Variants in KIF1B observed in about 807,000 individuals in gnomAD.
KIF1B encodes kinesin family member 1B.
KIF1B carries 76 observed loss-of-function variants against 241.9 expected under a neutral mutation model. The ratio of observed to expected loss-of-function variants is 0.31; its 90% CI spans 0.26 to 0.38. KIF1B has a LOEUF of 0.38. Ranked by LOEUF, KIF1B falls within the 10% of genes least tolerant of loss-of-function variation. The pLI, the probability that KIF1B is intolerant of heterozygous loss-of-function variation, is 1.00. For missense variants in KIF1B, 1,622 were observed against 2,271.4 expected (o/e 0.71, Z 5.81); for synonymous variants, 750 against 796.7 (o/e 0.94, Z 0.99).
chr1:10,379,928 C>T lies in KIF1B; in HGVS notation c.*3341C>T, dbSNP rs139210251. The T allele has an allele frequency of 6.9e-3, 1,576 of 229,334 alleles. 11 individuals carry two copies. Among genetic ancestry groups the T allele is most frequent in the South Asian group, 0.034 (186 of 5,498 alleles). The allele number at this position is 229,334 out of a possible 1,614,324, so 14.2% of individuals were successfully genotyped here. A position where few individuals can be genotyped will look rare whatever the true frequency, so the allele number is the denominator to read the frequency against. The stretch of plus-strand genomic sequence containing the variant: ...GTGGCCGGGCACCTGAGCCCCAGCT[C>T]GTTGTTAAACGTGCTGACGGCAAGG... On this transcript the variant is annotated 3_prime_UTR_variant, in exon 49 of 49. Transcript: ENST00000676179.
In KIF1B at chr1:10,326,367, A is replaced by C; in HGVS notation, c.2924+8A>C. On this transcript the variant is annotated splice_region_variant and intron_variant, in intron 27 of 48. Transcript: ENST00000676179. The surrounding 1 kb of genome is among the most constrained non-coding windows in gnomAD (Gnocchi z 5.2). ...GTTCATTTTAGTGGGAAGGTTGGTG[A>C]GGTTATTGTGAGAAAGGCGAAAAGG... is the stretch of plus-strand genomic sequence containing the variant. 1 of 1,614,040 alleles carries C rather than the reference A, an allele frequency of 6.2e-7. No homozygotes were observed. Among genetic ancestry groups the C allele is most frequent in the Non-Finnish European group, 8.5e-7 (1 of 1,180,022 alleles).
At chr1:10,273,934 CTTTTTTTT>C (rs35845856) in intron 10 of KIF1B, among the ~76,000 whole-genome samples, 2,656 of 116,792 alleles carry the variant, frequency 0.023, 44 homozygotes, top group Non-Finnish European at 0.033. Context: ...TTAGTAGCTT[CTTTTTTTT>C]TTTTTTTTTT....
chr1:10,222,229 T>C (rs1184513266), intron 1 of KIF1B, among the ~76,000 whole-genome samples: 2 of 152,222 alleles, frequency 1.3e-5, no homozygotes, highest in Admixed American at 1.3e-4. Flanking sequence ...ATGGTCTCAT[T>C]TGACCTTGTC....
At position 10,361,806 on chromosome 1, in the gene KIF1B, T is replaced by C; in HGVS notation, c.4285T>C (p.Tyr1429His). The C allele has an allele frequency of 6.2e-7, 1 of 1,614,138 alleles. No homozygotes were observed. Among genetic ancestry groups the C allele is most frequent in the Non-Finnish European group, 8.5e-7 (1 of 1,180,036 alleles). The change falls in exon 40 of 49, where the codon TAC becomes CAC. Residue 1429 changes from tyrosine to histidine, a missense_variant. Transcript: ENST00000676179. ...TCTGCGTAGCCTCTTTGGCAGCGGC[T>C]ACTCAAAGTCACCAGATTCGTAAGT... is the stretch of plus-strand genomic sequence containing the variant. ...RSLRSLFGSGYSKSPDSNRVT... is the reference protein window; with the variant it reads ...RSLRSLFGSGHSKSPDSNRVT...
Position 10,258,643 on chromosome 1 carries a change from G to C in KIF1B, c.334G>C (p.Glu112Gln). The change falls in exon 4 of 49, where the codon GAA becomes CAA. Residue 112 changes from glutamate to glutamine, a missense_variant. By Grantham distance (29) the Glu-to-Gln change is conservative. This residue lies in a region of KIF1B where 156 missense variants were observed against 244.8 expected (regional missense o/e 0.64). Transcript: ENST00000676179. ...GKSYTMMGKQ[E>Q]ESQAGIIPQL... Reference sequence around the variant, plus strand: ...ATCTTATACAATGATGGGTAAACAAGAAGAAAGCCAGGCTGGCATCATTCC... The same window carrying C: ...ATCTTATACAATGATGGGTAAACAACAAGAAAGCCAGGCTGGCATCATTCC... The C allele has an allele frequency of 1.9e-6, 3 of 1,614,064 alleles. No homozygotes were observed.
intron 13 of KIF1B, chr1:10,278,486 G>T: frequency 4.0e-6 from 1 of 251,310 alleles, no homozygotes; most frequent in East Asian, 1.1e-4. Flanking sequence ...AATGTTATTT[G>T]AAATTTTGAG....
intron 32 of KIF1B, 93 bp from the exon 33 acceptor site, chr1:10,341,951 CAAAAAA>C (rs33942183): frequency 4.3e-6 from 3 of 693,118 alleles, no homozygotes; most frequent in Non-Finnish European, 5.0e-6. Context: ...GACCTTGCCT[CAAAAAA>C]AAAAAAAAAA....
At chr1:10,372,648 AGCTTGGGTG>A (rs1227626204) in intron 45 of KIF1B, among the ~76,000 whole-genome samples, 2 of 120,124 alleles carry the variant, frequency 1.7e-5, no homozygotes, top group Non-Finnish European at 3.4e-5. Context: ...GCTGCGCGCC[AGCTTGGGTG>A]ACAGAGCTGT....
chr1:10,263,910 T>C (rs761278279), intron 5 of KIF1B, among the ~76,000 whole-genome samples: 3 of 152,156 alleles, frequency 2.0e-5, no homozygotes, highest in Non-Finnish European at 4.4e-5. Flanking sequence ...CATATTGCCT[T>C]TTTTCCTGTT....
intron 2 of KIF1B, among the ~76,000 whole-genome samples, chr1:10,251,088 C>T (rs949708850): frequency 2.0e-5 from 3 of 152,058 alleles, no homozygotes; most frequent in Admixed American, 6.6e-5. Flanking sequence ...ATCGCTTGAA[C>T]CTAGGAGACA....
chr1:10,352,676 C>T lies in KIF1B; in HGVS notation c.3995C>T (p.Ala1332Val), dbSNP rs867551510. 1.2e-6 allele frequency: 2 copies of T among 1,613,932 alleles called. No individual in the cohort carries two copies. The highest frequency in any genetic ancestry group is 1.7e-6 in the Non-Finnish European group (2 of 1,179,910). The change falls in exon 38 of 49, where the codon GCC (alanine) becomes GTC (valine). Residue 1332 changes from alanine (A) to valine (V), a missense_variant. By Grantham distance (64) the Ala-to-Val change is moderately conservative. Coordinates refer to ENST00000676179, the MANE Select transcript of KIF1B (RefSeq NM_001365951.3). ...KPEVDEAAVDAILSLNIISAK... is the reference protein window; with the variant it reads ...KPEVDEAAVDVILSLNIISAK... ...GAGGTGGATGAAGCTGCAGTTGATG[C>T]CATCCTCTCCCTAAATATTATTTCT...
chr1:10,229,860 T>C, intron 1 of KIF1B, among the ~76,000 whole-genome samples: 3 of 89,836 alleles, frequency 3.3e-5, no homozygotes, highest in Admixed American at 1.6e-4. Context: ...GGAGTGAGAC[T>C]CCGTCTCAAA....
chr1:10,313,458 G>A (rs886890770), intron 22 of KIF1B, among the ~76,000 whole-genome samples: 3 of 151,368 alleles, frequency 2.0e-5, no homozygotes, highest in East Asian at 1.9e-4. Flanking sequence ...CTTAAAAACC[G>A]GGGTAGATAG....
At chr1:10,269,385 T>C (rs564567362) in intron 7 of KIF1B, among the ~76,000 whole-genome samples, 71 of 151,458 alleles carry the variant, frequency 4.7e-4, no homozygotes, top group Non-Finnish European at 3.4e-4. Flanking sequence ...CGTGGTGGCA[T>C]GCGCCTGTGG....
At chr1:10,244,185 A>G (rs182202329) in intron 2 of KIF1B, among the ~76,000 whole-genome samples, 2 of 152,266 alleles carry the variant, frequency 1.3e-5, no homozygotes, top group African/African-American at 4.8e-5. Context: ...CTTTATGGCA[A>G]TAGGTTTTAC....
chr1:10,279,888 G>A (rs1280616856), intron 14 of KIF1B, among the ~76,000 whole-genome samples: 3 of 151,818 alleles, frequency 2.0e-5, no homozygotes, highest in African/African-American at 7.3e-5. Context: ...ATTTGTAGAG[G>A]TGAGGGGTCT....
Position 10,337,160 on chromosome 1 carries a change from G to A in KIF1B, c.3216G>A (p.Glu1072=). The A allele has an allele frequency of 1.9e-6, 3 of 1,614,136 alleles. No homozygotes were observed. The highest frequency in any genetic ancestry group is 2.5e-6 in the Non-Finnish European group (3 of 1,180,024). The part of the protein sequence containing the change: ...RIVEGQGQSS[E]VITPPEEISR... ...TGGAAGGACAGGGTCAGAGTTCTGAGGTCATCACTCCTCCAGAAGAAATCA... is the reference window on the plus strand; with the variant it reads ...TGGAAGGACAGGGTCAGAGTTCTGAAGTCATCACTCCTCCAGAAGAAATCA... Residue 1072 remains glutamate (E), a synonymous_variant, in exon 30 of 49, where the codon GAG becomes GAA. Transcript: ENST00000676179. This position sits in a 1 kb window ranked among gnomAD's most constrained non-coding sequence, Gnocchi z 4.0.
Position 10,324,036 on chromosome 1 carries a change from A to G in KIF1B, c.2511A>G (p.Thr837=). ...TCCAGGATTTGAAGAATGGAGCAAC[A>G]CACTATTGGTCTTTGGAGAAACTCA... The part of the protein sequence containing the change: ...VEVQDLKNGA[T]HYWSLEKLKQ... The change falls in exon 25 of 49, where the codon ACA becomes ACG. Residue 837 remains threonine (T), a synonymous_variant. Transcript: ENST00000676179. 1 of 1,614,162 alleles carries G rather than the reference A, an allele frequency of 6.2e-7. No individual in the cohort carries two copies. Among genetic ancestry groups the G allele is most frequent in the South Asian group, 1.1e-5 (1 of 91,084 alleles).
Position 10,210,895 on chromosome 1 carries a change from GGCCGCGGTTGGC to G in KIF1B, c.-80+26_-80+37del, listed in dbSNP as rs1553159069. On this transcript the variant is annotated intron_variant, in intron 1 of 48. Coordinates refer to ENST00000676179, the MANE Select transcript of KIF1B (RefSeq NM_001365951.3). The surrounding 1 kb of genome is among the most constrained non-coding windows in gnomAD (Gnocchi z 4.1). ...GCGGCTGAGGTAAGGCGGCGGGGCT[GGCCGCGGTTGGC>G]GCCGCGGTCGCGGGGTTGGGGAGGG... is the stretch of plus-strand genomic sequence containing the variant. 6.6e-6 allele frequency: 1 copy of G among 151,140 alleles called. No homozygotes were observed. Among genetic ancestry groups the G allele is most frequent in the Non-Finnish European group, 1.5e-5 (1 of 67,622 alleles). The allele number at this position is 151,140 out of a possible 1,614,324, so 9.4% of individuals were successfully genotyped here. A position where few individuals can be genotyped will look rare whatever the true frequency, so the allele number is the denominator to read the frequency against.
Sources: allele counts gnomAD v4.1 joint callset (sites outside exome capture counted in the v4.1 genomes callset), GRCh38; gene constraint gnomAD v4.1.1; regional missense constraint gnomAD v4.1.1; non-coding constraint Gnocchi (gnomAD v3.1); transcripts MANE v1.5; gene names NCBI Gene and HGNC (gene_info 2026-07-23, HGNC 2026-07-21).